GFOD1: variants seen among roughly 807,000 people sequenced by gnomAD.
The protein encoded by GFOD1 is Gfo/Idh/MocA-like oxidoreductase domain containing 1, also known as glucose-fructose oxidoreductase domain-containing protein 1.
GFOD1 carries 9 observed loss-of-function variants against 25.4 expected under a neutral mutation model. That is an observed-to-expected ratio of 0.35 (90% CI 0.21 to 0.62). The LOEUF (loss-of-function observed/expected upper bound fraction) is 0.62, where lower values mean the gene tolerates loss of function less well. Ranked by LOEUF, GFOD1 falls within the 20% of genes least tolerant of loss-of-function variation. GFOD1 has a pLI of 0.72. For synonymous variants in GFOD1, 253 were observed against 245.6 expected, an observed-to-expected ratio of 1.03 and a Z score of -0.28; for missense variants, 403 against 556.9, an observed-to-expected ratio of 0.72 and a Z score of 2.78.
chr6:13,373,741 A>ACCACAC (rs1554199339), intron 1 of GFOD1, among the ~76,000 whole-genome samples: 1 of 129,596 alleles, frequency 7.7e-6, no homozygotes, highest in Non-Finnish European at 1.6e-5. Flanking sequence ...CTGCTCCCCC[A>ACCACAC]ACACACACAC....
chr6:13,371,289 C>T (rs1785149892), intron 1 of GFOD1, among the ~76,000 whole-genome samples: 1 of 152,128 alleles, frequency 6.6e-6, no homozygotes, highest in South Asian at 2.1e-4. Flanking sequence ...AGAATACTGC[C>T]CTAGGTCACT....
At chr6:13,376,977 CT>C (rs1288903491) in intron 1 of GFOD1, among the ~76,000 whole-genome samples, 1 of 150,862 alleles carries the variant, frequency 6.6e-6, no homozygotes, top group African/African-American at 2.4e-5. Context: ...GTGGGTTGTG[CT>C]TTAGTGAAGG....
intron 1 of GFOD1, among the ~76,000 whole-genome samples, chr6:13,440,957 T>C (rs960743600): frequency 3.3e-5 from 5 of 152,238 alleles, no homozygotes; most frequent in Non-Finnish European, 7.3e-5. Flanking sequence ...TGTATTCAGA[T>C]GGATGGGAAT....
At chr6:13,408,797 T>C (rs1002934064) in intron 1 of GFOD1, among the ~76,000 whole-genome samples, 6 of 152,066 alleles carry the variant, frequency 3.9e-5, no homozygotes, top group African/African-American at 1.4e-4. Flanking sequence ...TTCTAAAAAT[T>C]AACACAGGCC....
chr6:13,360,552 G>C lies in GFOD1; in HGVS notation c.*4191C>G, dbSNP rs906176214. ...GCCATCTATAATAGTCAGCCAACAA[G>C]ATTTTGAAAATCCCCAGCCCTGAGG... On this transcript the variant is annotated 3_prime_UTR_variant, in exon 2 of 2. Transcript: ENST00000379287. 1.3e-5 allele frequency: 5 copies of C among 375,222 alleles called. No homozygotes were observed. Among genetic ancestry groups the C allele is most frequent in the Non-Finnish European group, 2.1e-5 (4 of 186,090 alleles). 23.2% of individuals were successfully genotyped at this position (375,222 alleles called of 1,614,324 possible). A position where few individuals can be genotyped will look rare whatever the true frequency, so the allele number is the denominator to read the frequency against.
At chr6:13,455,139 C>A (rs1758166066) in intron 1 of GFOD1, among the ~76,000 whole-genome samples, 1 of 152,130 alleles carries the variant, frequency 6.6e-6, no homozygotes, top group African/African-American at 2.4e-5. Context: ...CACACGCACA[C>A]ACACTGGCTC....
At chr6:13,457,922 C>A (rs1758220321) in intron 1 of GFOD1, among the ~76,000 whole-genome samples, 1 of 152,216 alleles carries the variant, frequency 6.6e-6, no homozygotes, top group Non-Finnish European at 1.5e-5. Flanking sequence ...ATGCCTGGAC[C>A]TCTGCCTGGA....
intron 1 of GFOD1, among the ~76,000 whole-genome samples, chr6:13,434,787 C>T (rs991578587): frequency 6.6e-6 from 1 of 152,216 alleles, no homozygotes; most frequent in African/African-American, 2.4e-5. Flanking sequence ...ATAGTAGGTT[C>T]TCAGAAGAGC....
At position 13,359,757 on chromosome 6, in the gene GFOD1, A is replaced by G. The variant is rs1584600436; in HGVS notation, c.*4986T>C. The stretch of plus-strand genomic sequence containing the variant: ...AGGTCAGGAGTTCAAGACCAGCCTG[A>G]CCAATATGGGGAAACCTTGTCTCTA... On this transcript the variant is annotated 3_prime_UTR_variant, in exon 2 of 2. Transcript: ENST00000379287. 6.6e-6 allele frequency: 1 copy of G among 151,930 alleles called. No homozygotes were observed. The highest frequency in any genetic ancestry group is 1.5e-5 in the Non-Finnish European group (1 of 67,986). The allele number at this position is 151,930 out of a possible 1,614,324, so 9.4% of individuals were successfully genotyped here.
chr6:13,439,731 T>C (rs1387257761), intron 1 of GFOD1, among the ~76,000 whole-genome samples: 1 of 152,252 alleles, frequency 6.6e-6, no homozygotes, highest in African/African-American at 2.4e-5. Flanking sequence ...TTCTAGATGA[T>C]GAAACTCCAC....
chr6:13,463,749 C>T (rs543271647), intron 1 of GFOD1, among the ~76,000 whole-genome samples: 61 of 152,054 alleles, frequency 4.0e-4, no homozygotes, highest in Non-Finnish European at 8.1e-4. Flanking sequence ...TACATACATA[C>T]GTAGGTTATC....
chr6:13,468,265 C>A (rs1475248274), intron 1 of GFOD1, among the ~76,000 whole-genome samples: 1 of 151,916 alleles, frequency 6.6e-6, no homozygotes, highest in East Asian at 1.9e-4. Flanking sequence ...TTTTCTTTAC[C>A]TAAAATATAG....
In GFOD1 at chr6:13,360,549, C is replaced by T. The variant is rs1325637803; in HGVS notation, c.*4194G>A. 1.9e-5 allele frequency: 7 copies of T among 374,640 alleles called. No homozygotes were observed. The highest frequency in any genetic ancestry group is 3.8e-5 in the Non-Finnish European group (7 of 185,912). 23.2% of individuals were successfully genotyped at this position (374,640 alleles called of 1,614,324 possible). A position where few individuals can be genotyped will look rare whatever the true frequency, so the allele number is the denominator to read the frequency against. On this transcript the variant is annotated 3_prime_UTR_variant, in exon 2 of 2. Coordinates refer to ENST00000379287, the MANE Select transcript of GFOD1 (RefSeq NM_018988.4). ...AAGGCCATCTATAATAGTCAGCCAA[C>T]AAGATTTTGAAAATCCCCAGCCCTG... is the stretch of plus-strand genomic sequence containing the variant.
intron 1 of GFOD1, among the ~76,000 whole-genome samples, chr6:13,370,266 C>T (rs548064934): frequency 4.8e-4 from 73 of 152,336 alleles, no homozygotes; most frequent in African/African-American, 1.7e-3. Flanking sequence ...TTACTGAAAG[C>T]TGTGGACTCT....
chr6:13,384,746 C>T (rs901236927), intron 1 of GFOD1, among the ~76,000 whole-genome samples: 3 of 152,132 alleles, frequency 2.0e-5, no homozygotes, highest in African/African-American at 4.8e-5. Context: ...TTTCTGACCT[C>T]GAGAGTAAAT....
chr6:13,469,275 T>C (rs1346565118), intron 1 of GFOD1: 1 of 985,332 alleles, frequency 1.0e-6, no homozygotes, highest in African/African-American at 1.7e-5. Context: ...GCCTTTTATA[T>C]CTTATCCATA....
At chr6:13,389,309 C>T (rs1313429344) in intron 1 of GFOD1, among the ~76,000 whole-genome samples, 3 of 152,190 alleles carry the variant, frequency 2.0e-5, no homozygotes, top group Non-Finnish European at 1.5e-5. Context: ...AAGACACATG[C>T]ACACATATGT....
At chr6:13,374,264 G>GTTTTTT (rs113077397) in intron 1 of GFOD1, among the ~76,000 whole-genome samples, 3 of 126,202 alleles carry the variant, frequency 2.4e-5, no homozygotes, top group African/African-American at 8.3e-5. Context: ...TTAAAAATAT[G>GTTTTTT]TTTTTTTTTT....
At chr6:13,484,802 C>A (rs1257364322) in intron 1 of GFOD1, among the ~76,000 whole-genome samples, 1 of 152,182 alleles carries the variant, frequency 6.6e-6, no homozygotes, top group Non-Finnish European at 1.5e-5. Flanking sequence ...CCCTCCTGCT[C>A]TAGGTTTGCT....
Sources: allele counts gnomAD v4.1 joint callset (sites outside exome capture counted in the v4.1 genomes callset), GRCh38; gene constraint gnomAD v4.1.1; transcripts MANE v1.5; gene names NCBI Gene and HGNC (gene_info 2026-07-23, HGNC 2026-07-21).